Variants in KCNH4 observed in about 807,000 individuals in gnomAD.
KCNH4 encodes the protein voltage-gated delayed rectifier potassium channel KCNH4.
Under a neutral mutation model 90.7 loss-of-function variants are expected in KCNH4, and 33 were observed. That is an observed-to-expected ratio of 0.36 (90% CI 0.28 to 0.49). The LOEUF (loss-of-function observed/expected upper bound fraction) is 0.49. Ranked by LOEUF, KCNH4 falls within the 20% of genes least tolerant of loss-of-function variation. KCNH4 has a pLI of 0.98. For missense variants in KCNH4, 1,044 were observed against 1,387.1 expected (o/e 0.75, Z 3.93); for synonymous variants, 551 against 581.7 (o/e 0.95, Z 0.76).
intron 4 of KCNH4, 54 bp from the exon 5 acceptor site, chr17:42,176,351 TGG>T: frequency 9.1e-7 from 1 of 1,104,800 alleles, no homozygotes; most frequent in Non-Finnish European, 1.2e-6. Flanking sequence ...GGAGCCAAGA[TGG>T]GGGGTGGGAA....
rs1191341622 is a variant in KCNH4 at position 42,164,218 on chromosome 17, T to C, written c.2086-50A>G. ...GCTGATTCCTGCCTTCCCGCGGCCA[T>C]AGCGCAGACCCTCCCTGTCCCACCC... is the stretch of plus-strand genomic sequence containing the variant. On this transcript the variant is annotated intron_variant, in intron 11 of 16. Transcript: ENST00000264661. 4 of 1,490,996 alleles carry C rather than the reference T, an allele frequency of 2.7e-6. No homozygotes were observed. In the African/African-American group the frequency reaches 5.6e-5, roughly 21 times the overall value. The allele number at this position is 1,490,996 out of a possible 1,614,324, so 92.4% of individuals were successfully genotyped here. A position where few individuals can be genotyped will look rare whatever the true frequency, so the allele number is the denominator to read the frequency against.
At chr17:42,160,549 G>A in intron 15 of KCNH4, 114 bp from the exon 16 acceptor site, 1 of 1,100,458 alleles carries the variant, frequency 9.1e-7, no homozygotes, top group Non-Finnish European at 1.3e-6. Context: ...GCCACCCTGG[G>A]AAAAAGGCAG....
chr17:42,166,587 G>A (rs1305044529), intron 9 of KCNH4, 41 bp from the exon 10 acceptor site: 1 of 1,578,864 alleles, frequency 6.3e-7, no homozygotes, highest in Non-Finnish European at 8.6e-7. Flanking sequence ...TCCCCCTGCA[G>A]CTACTACTTG....
rs1387047206 is a variant in KCNH4 at position 42,166,453 on chromosome 17, T to A, written c.1684A>T (p.Arg562Trp). Reference protein sequence around the residue: ...LQLPLFGAASRGCLRALSLHI... With the variant: ...LQLPLFGAASWGCLRALSLHI... ...AGCGATAGGGCCCGCAGGCAGCCCC[T>A]GCTCGCTGCCCCGAACAACGGCAGC... Residue 562 changes from arginine to tryptophan, a missense_variant, in exon 10 of 17, where the codon AGG becomes TGG. Transcript: ENST00000264661. The A allele has an allele frequency of 6.2e-7, 1 of 1,614,024 alleles. No homozygotes were observed. Among genetic ancestry groups the A allele is most frequent in the Non-Finnish European group, 8.5e-7 (1 of 1,179,986 alleles).
At chr17:42,179,085 G>A in intron 1 of KCNH4, 59 bp from the exon 2 acceptor site, 1 of 1,279,120 alleles carries the variant, frequency 7.8e-7, no homozygotes, top group Non-Finnish European at 1.1e-6. Flanking sequence ...GCTTCCAGGT[G>A]GGCAGCACTT....
rs777121248 is a variant in KCNH4 at position 42,160,004 on chromosome 17, C to T, written c.*36G>A. The T allele has an allele frequency of 7.5e-6, 11 of 1,461,170 alleles. No individual in the cohort carries two copies. In the African/African-American group the frequency reaches 8.5e-5, roughly 11 times the overall value. 90.5% of individuals were successfully genotyped at this position (1,461,170 alleles called of 1,614,324 possible). ...GTCCTCCCTGAGTGGTGAGCGGCAG[C>T]GCCCACCCCAGACAGGCCTGGGCCC... is the stretch of plus-strand genomic sequence containing the variant. On this transcript the variant is annotated 3_prime_UTR_variant, in exon 16 of 17. Coordinates refer to ENST00000264661, the MANE Select transcript of KCNH4 (RefSeq NM_012285.3).
chr17:42,164,157 G>C lies in KCNH4; in HGVS notation c.2097C>G (p.Arg699=). 1 of 1,552,384 alleles carries C rather than the reference G, an allele frequency of 6.4e-7. No homozygotes were observed. The highest frequency in any genetic ancestry group is 1.2e-5 in the South Asian group (1 of 83,780). Residue 699 remains arginine (R), a synonymous_variant, in exon 12 of 17, where the codon CGC becomes CGG. Transcript: ENST00000264661. ...RQGSDTSGLS[R]FSRSPRLSQP... Reference sequence around the variant, plus strand: ...GGGAGAGGCGAGGGGATCGGGAAAAGCGGCTGAGGCCCTGTGGGGACATAG... The same window carrying C: ...GGGAGAGGCGAGGGGATCGGGAAAACCGGCTGAGGCCCTGTGGGGACATAG...
chr17:42,178,086 G>C lies in KCNH4; in HGVS notation c.585+14C>G. 6.2e-7 allele frequency: 1 copy of C among 1,611,078 alleles called. No individual in the cohort carries two copies. The highest frequency in any genetic ancestry group is 2.2e-5 in the East Asian group (1 of 44,846). ...GGAGGACTTGGGAGATGTTGGGTTG[G>C]GGGTGGGACTCACATTATTGGCCTT... On this transcript the variant is annotated intron_variant, in intron 4 of 16. Transcript: ENST00000264661.
chr17:42,166,398 C>T lies in KCNH4; in HGVS notation c.1739G>A (p.Gly580Asp), dbSNP rs748860686. Residue 580 changes from glycine to aspartate, a missense_variant, in exon 10 of 17, where the codon GGC becomes GAC. Transcript: ENST00000264661. ...ATCCCCACGGCGCAACAGGTACTCG[C>T]CCGGAGCGCAGAACGAGGTCTTGAT... ...LHIKTSFCAP[G>D]EYLLRRGDAL... 3 of 1,613,996 alleles carry T rather than the reference C, an allele frequency of 1.9e-6. No individual in the cohort carries two copies. The highest frequency in any genetic ancestry group is 1.1e-5 in the South Asian group (1 of 91,072).
At position 42,163,159 on chromosome 17, in the gene KCNH4, C is replaced by T. The variant is rs2079760191; in HGVS notation, c.2584+69G>A. On this transcript the variant is annotated intron_variant, in intron 14 of 16. Transcript: ENST00000264661. This position sits in a 1 kb window ranked among gnomAD's most constrained non-coding sequence, Gnocchi z 5.4. ...CCTGGCACATGGTAGGCCCCTACTA[C>T]ATATGGGATGGATGGACAGGTGGAT... 3 of 1,080,998 alleles carry T rather than the reference C, an allele frequency of 2.8e-6. No homozygotes were observed. The highest frequency in any genetic ancestry group is 4.3e-6 in the Non-Finnish European group (3 of 696,888). The allele number at this position is 1,080,998 out of a possible 1,614,324, so 67.0% of individuals were successfully genotyped here.
intron 6 of KCNH4, 46 bp from the exon 7 acceptor site, chr17:42,172,041 C>T (rs1316363503): frequency 5.9e-6 from 9 of 1,517,286 alleles, no homozygotes; most frequent in Admixed American, 2.0e-5. Context: ...ACACCTCCTC[C>T]GAGCCCTCAG....
At position 42,163,111 on chromosome 17, in the gene KCNH4, A is replaced by G; in HGVS notation, c.2584+117T>C. ...CAAGAGCGTGGGCCAGGTCTGTTTT[A>G]TCTGTGTATTCCCAGGATGGCACCT... On this transcript the variant is annotated intron_variant, in intron 14 of 16. Coordinates refer to ENST00000264661, the MANE Select transcript of KCNH4 (RefSeq NM_012285.3). The surrounding 1 kb of genome is among the most constrained non-coding windows in gnomAD (Gnocchi z 5.4). The G allele has an allele frequency of 1.3e-6, 1 of 744,338 alleles. No individual in the cohort carries two copies. Among genetic ancestry groups the G allele is most frequent in the Non-Finnish European group, 2.4e-6 (1 of 412,306 alleles). 46.1% of individuals were successfully genotyped at this position (744,338 alleles called of 1,614,324 possible). A position where few individuals can be genotyped will look rare whatever the true frequency, so the allele number is the denominator to read the frequency against.
chr17:42,170,254 C>A lies in KCNH4; in HGVS notation c.1243G>T (p.Gly415Cys), dbSNP rs1282379102. ...CGCCGTGATGGGCCGCCCACCGAGC[C>A]ATTGACATAGGGCACCTCCAGACGC... ...GKRLEVPYVN[G>C]SVGGPSRRSA... Residue 415 changes from glycine (G) to cysteine (C), a missense_variant, in exon 8 of 17, where the codon GGC becomes TGC. Transcript: ENST00000264661. The A allele has an allele frequency of 3.1e-6, 5 of 1,607,652 alleles. No individual in the cohort carries two copies. Among genetic ancestry groups the A allele is most frequent in the African/African-American group, 1.3e-5 (1 of 75,008 alleles).
chr17:42,170,394 T>C (rs1368800564), intron 7 of KCNH4, 93 bp from the exon 8 acceptor site: 1 of 1,073,436 alleles, frequency 9.3e-7, no homozygotes, highest in Non-Finnish European at 1.3e-6. Flanking sequence ...TCGGCAAGTA[T>C]TTATACACAG....
At position 42,180,378 on chromosome 17, in the gene KCNH4, C is replaced by G. The variant is rs1185439439; in HGVS notation, c.76+492G>C. 1.3e-5 allele frequency among the ~76,000 whole-genome samples: 2 copies of G among 152,110 alleles called. No individual in the cohort carries two copies. The highest frequency in any genetic ancestry group is 4.8e-5 in the African/African-American group (2 of 41,412). ...AGACCGCTCCCCTCCTCCTGCCTCA[C>G]CCACCTTAGACACTGACGCCCCACG... On this transcript the variant is annotated intron_variant, in intron 1 of 16. Transcript: ENST00000264661. The surrounding 1 kb of genome is among the most constrained non-coding windows in gnomAD (Gnocchi z 4.7).
intron 15 of KCNH4, 66 bp from the exon 16 acceptor site, chr17:42,160,501 A>C: frequency 1.3e-6 from 2 of 1,488,848 alleles, no homozygotes; most frequent in Non-Finnish European, 1.8e-6. Context: ...CCCCCTCTCC[A>C]GTTTACAAAG....
chr17:42,170,229 C>T lies in KCNH4; in HGVS notation c.1268G>A (p.Arg423His), dbSNP rs369685674. The change falls in exon 8 of 17, where the codon CGC becomes CAC. Residue 423 changes from arginine (R) to histidine (H), a missense_variant. Coordinates refer to ENST00000264661, the MANE Select transcript of KCNH4 (RefSeq NM_012285.3). ...VNGSVGGPSR[R>H]SAYIAALYFT... is the part of the protein sequence containing the mutation. ...GTACAGTGCCGCGATGTAGGCGCTGCGCCGTGATGGGCCGCCCACCGAGCC... is the reference window on the plus strand; with the variant it reads ...GTACAGTGCCGCGATGTAGGCGCTGTGCCGTGATGGGCCGCCCACCGAGCC... The T allele has an allele frequency of 2.1e-5, 34 of 1,610,602 alleles. No homozygotes were observed. Among genetic ancestry groups the T allele is most frequent in the African/African-American group, 2.7e-5 (2 of 74,840 alleles).
intron 5 of KCNH4, 93 bp downstream of exon 5, chr17:42,175,961 G>T: frequency 7.1e-7 from 1 of 1,411,944 alleles, no homozygotes; most frequent in Non-Finnish European, 9.7e-7. Flanking sequence ...GGCTCTGAAT[G>T]TCTGGGTCAT....
rs1598268844 is a variant in KCNH4 at position 42,163,872 on chromosome 17, A to G, written c.2211T>C (p.Gly737=). Residue 737 remains glycine (G), a synonymous_variant, in exon 13 of 17, where the codon GGT becomes GGC. Coordinates refer to ENST00000264661, the MANE Select transcript of KCNH4 (RefSeq NM_012285.3). The surrounding 1 kb of genome is among the most constrained non-coding windows in gnomAD (Gnocchi z 5.4). ...EAESGAEPGG[G]PRPRRPLLLP... ...GCAGGAGGGGCCGTCGGGGCCTGGG[A>G]CCACCCCCAGGCTCCGCGCCACTCT... 2.6e-6 allele frequency: 4 copies of G among 1,525,850 alleles called. No individual in the cohort carries two copies. The highest frequency in any genetic ancestry group is 2.1e-5 in the Admixed American group (1 of 46,634). 94.5% of individuals were successfully genotyped at this position (1,525,850 alleles called of 1,614,324 possible).
Sources: gnomAD v4.1 joint callset for allele counts (sites outside exome capture counted in the v4.1 genomes callset) on GRCh38, gnomAD v4.1.1 for gene constraint, Gnocchi (gnomAD v3.1) non-coding constraint, MANE v1.5 for transcripts, NCBI Gene and HGNC (gene_info 2026-07-23, HGNC 2026-07-21) for gene names.